Variants in C12orf56 observed in about 807,000 individuals in gnomAD.
C12orf56 encodes the protein chromosome 12 open reading frame 56, also known as uncharacterized protein C12orf56.
Under a neutral mutation model 69.9 loss-of-function variants are expected in C12orf56, and 71 were observed. The observed-to-expected ratio is 1.02, with a 90% CI of 0.84 to 1.24. C12orf56 has a LOEUF of 1.24. Among genes scored for constraint, C12orf56 ranks in the 50% most tolerant of loss-of-function variants. The pLI, the probability that C12orf56 is intolerant of heterozygous loss-of-function variation, is 0.00. For missense variants in C12orf56, 732 were observed against 738.5 expected (o/e 0.99, Z 0.10); for synonymous variants, 276 against 274.1 (o/e 1.01, Z -0.07).
At position 64,270,586 on chromosome 12, in the gene C12orf56, G is replaced by A. The variant is rs771248359; in HGVS notation, c.1713C>T (p.His571=). ...QFYILKSCLR[H]SRTLAEYIRN... ...TAATATACTCAGCTAGAGTCCTGCT[G>A]TGCCGCAGACAGCTCTTGAGGATGT... Residue 571 remains histidine (H), a synonymous_variant, in exon 12 of 13, where the codon CAC becomes CAT. Transcript: ENST00000543942. 16 of 1,612,692 alleles carry A rather than the reference G, an allele frequency of 9.9e-6. No individual in the cohort carries two copies. The Admixed American group carries it at 1.3e-4, about 14-fold the overall frequency.
At chr12:64,375,070 T>C (rs1316527828) in intron 1 of C12orf56, among the ~76,000 whole-genome samples, 2 of 151,788 alleles carry the variant, frequency 1.3e-5, no homozygotes, top group African/African-American at 4.8e-5. Context: ...TATTTTATTA[T>C]TTATTTATTT....
chr12:64,298,876 T>C (rs995528636), intron 6 of C12orf56, among the ~76,000 whole-genome samples: 3 of 152,220 alleles, frequency 2.0e-5, no homozygotes, highest in African/African-American at 7.2e-5. Flanking sequence ...TCTTTTTTGG[T>C]TCCATATGAA....
At chr12:64,332,891 CT>C (rs749564108) in intron 2 of C12orf56, among the ~76,000 whole-genome samples, 42 of 152,230 alleles carry the variant, frequency 2.8e-4, no homozygotes, top group Non-Finnish European at 5.4e-4. Flanking sequence ...TTTTGCTTCC[CT>C]TTTGATTCCC....
At chr12:64,276,006 C>CG (rs1555185422) in intron 9 of C12orf56, among the ~76,000 whole-genome samples, 10 of 150,474 alleles carry the variant, frequency 6.6e-5, no homozygotes, top group South Asian at 4.2e-4. Context: ...TACACACCCC[C>CG]CCCCGCGAGT....
chr12:64,365,236 C>T (rs545525589), intron 1 of C12orf56, among the ~76,000 whole-genome samples: 1 of 148,308 alleles, frequency 6.7e-6, no homozygotes, highest in African/African-American at 2.5e-5. Context: ...GCGATCTCGG[C>T]TCACTGCAAC....
chr12:64,281,079 G>C (rs993833703), intron 8 of C12orf56, among the ~76,000 whole-genome samples: 1 of 152,006 alleles, frequency 6.6e-6, no homozygotes, highest in African/African-American at 2.4e-5. Flanking sequence ...TTCAAGACCA[G>C]CCTGACTAAC....
In C12orf56 at chr12:64,278,724, T is replaced by C. The variant is rs1016184171; in HGVS notation, c.1311-921A>G. On this transcript the variant is annotated intron_variant, in intron 8 of 12. Coordinates refer to ENST00000543942, the MANE Select transcript of C12orf56 (RefSeq NM_001170633.2). The stretch of plus-strand genomic sequence containing the variant: ...TTCCTCCTGTCTAACTGAAGTTTTG[T>C]ACCCTTTGACCAACATCTCCCAATT... Among the ~76,000 whole-genome samples the C allele has an allele frequency of 2.0e-5, 3 of 152,276 alleles. No homozygotes were observed. In the East Asian group the frequency reaches 5.8e-4, roughly 29 times the overall value.
intron 5 of C12orf56, 48 bp downstream of exon 5, chr12:64,312,631 G>T: frequency 7.4e-7 from 1 of 1,360,100 alleles, no homozygotes; most frequent in Non-Finnish European, 1.0e-6. Flanking sequence ...AGGCAAAGAG[G>T]AGAGAAAAAT....
chr12:64,356,190 A>AAC (rs1265049835), intron 1 of C12orf56, among the ~76,000 whole-genome samples: 2 of 150,990 alleles, frequency 1.3e-5, no homozygotes, highest in Non-Finnish European at 2.9e-5. Context: ...AAAAAAAAAA[A>AAC]AAAAAAAAAC....
intron 6 of C12orf56, among the ~76,000 whole-genome samples, chr12:64,296,217 AGATTGCAATAATTGGAGGATTAAAGGT>A (rs1450646668): frequency 6.6e-6 from 1 of 152,222 alleles, no homozygotes; most frequent in Non-Finnish European, 1.5e-5. Context: ...GAAAAAGCCT[AGATTGCAATAATTGGAGGATTAAAGGT>A]GATGCTGGTG....
In C12orf56 at chr12:64,390,411, T is replaced by C. The variant is rs760291727; in HGVS notation, c.155A>G (p.Tyr52Cys). The C allele has an allele frequency of 2.1e-5, 34 of 1,612,582 alleles. No individual in the cohort carries two copies. The highest frequency in any genetic ancestry group is 2.8e-5 in the Non-Finnish European group (33 of 1,179,536). The change falls in exon 1 of 13, where the codon TAT (tyrosine) becomes TGT (cysteine). Residue 52 changes from tyrosine (Y) to cysteine (C), a missense_variant. Physicochemically the swap from Tyr to Cys is radical, Grantham distance 194. Transcript: ENST00000543942. ...GACGAGCCGGTCGCTTAGCACCACA[T>C]ACTTGAGGATGTGGTTCTCAGAGTT... ...VSNSENHILK[Y>C]VVLSDRLVYL...
In C12orf56 at chr12:64,303,826, T is replaced by C. The variant is rs374202943; in HGVS notation, c.969-47A>G. ...TTCCACTTAAAAAAATGGTAAGACA[T>C]AGCAGTTTAGGAATATCAATGATTA... On this transcript the variant is annotated intron_variant, in intron 5 of 12. Transcript: ENST00000543942. 5.1e-5 allele frequency: 77 copies of C among 1,524,674 alleles called. 1 individual carries two copies. In the African/African-American group the frequency reaches 9.9e-4, roughly 20 times the overall value. The allele number at this position is 1,524,674 out of a possible 1,614,324, so 94.4% of individuals were successfully genotyped here.
intron 2 of C12orf56, among the ~76,000 whole-genome samples, chr12:64,350,436 C>T (rs750493532): frequency 6.6e-6 from 1 of 152,152 alleles, no homozygotes; most frequent in Non-Finnish European, 1.5e-5. Flanking sequence ...ATTTTCTTTG[C>T]AATAGGATGC....
At chr12:64,270,128 T>C (rs1381897955) in intron 12 of C12orf56, among the ~76,000 whole-genome samples, 2 of 152,054 alleles carry the variant, frequency 1.3e-5, no homozygotes, top group East Asian at 3.9e-4. Flanking sequence ...CCAGGTGCGG[T>C]GGCTCACACC....
chr12:64,350,812 G>A (rs1271782294), intron 2 of C12orf56, among the ~76,000 whole-genome samples: 4 of 152,138 alleles, frequency 2.6e-5, no homozygotes, highest in African/African-American at 9.7e-5. Flanking sequence ...TATCTTTGCT[G>A]CACTTTATGC....
At chr12:64,309,064 G>A (rs931755977) in intron 5 of C12orf56, among the ~76,000 whole-genome samples, 5 of 152,096 alleles carry the variant, frequency 3.3e-5, no homozygotes, top group African/African-American at 9.7e-5. Flanking sequence ...TGCCAATCTT[G>A]TTTTATCTGT....
chr12:64,302,703 A>C (rs1298217603), intron 6 of C12orf56, among the ~76,000 whole-genome samples: 1 of 152,172 alleles, frequency 6.6e-6, no homozygotes, highest in African/African-American at 2.4e-5. Flanking sequence ...GAACATGAAA[A>C]TGAGGTGTCT....
At chr12:64,366,975 AT>A (rs1337309622) in intron 1 of C12orf56, among the ~76,000 whole-genome samples, 1 of 109,998 alleles carries the variant, frequency 9.1e-6, no homozygotes, top group Non-Finnish European at 1.7e-5. Context: ...CATACACTTT[AT>A]ATATTATATA....
At chr12:64,313,024 G>T (rs1407961193) in intron 4 of C12orf56, among the ~76,000 whole-genome samples, 1 of 151,952 alleles carries the variant, frequency 6.6e-6, no homozygotes, top group Non-Finnish European at 1.5e-5. Context: ...ACTTTGGGAG[G>T]CCGAGGCAGG....
Sources: allele counts gnomAD v4.1 joint callset (sites outside exome capture counted in the v4.1 genomes callset), GRCh38; gene constraint gnomAD v4.1.1; transcripts MANE v1.5; gene names NCBI Gene and HGNC (gene_info 2026-07-23, HGNC 2026-07-21).